NGF: variants seen among roughly 807,000 people sequenced by gnomAD.
The protein encoded by NGF is nerve growth factor, also known as beta-nerve growth factor.
In NGF, 4 loss-of-function variants were observed where a neutral mutation model predicts 12.8. The ratio of observed to expected loss-of-function variants is 0.31; its 90% CI spans 0.15 to 0.72. The LOEUF is 0.72. NGF is among the 30% of genes least tolerant of loss of function. The pLI, the probability that NGF is intolerant of heterozygous loss-of-function variation, is 0.69. For synonymous variants in NGF, 140 were observed against 130.0 expected (o/e 1.08, Z -0.52); for missense variants, 283 against 330.8 (o/e 0.86, Z 1.12).
At chr1:115,336,007 AG>A (rs1655100006) in intron 1 of NGF, among the ~76,000 whole-genome samples, 1 of 152,120 alleles carries the variant, frequency 6.6e-6, no homozygotes, top group Non-Finnish European at 1.5e-5. Flanking sequence ...GTCGGCAACC[AG>A]GGCCCCCTTC....
intron 1 of NGF, among the ~76,000 whole-genome samples, chr1:115,337,965 C>T (rs1423803208): frequency 6.6e-6 from 1 of 152,192 alleles, no homozygotes; most frequent in Admixed American, 6.5e-5. Flanking sequence ...GGACTAGGGA[C>T]TCCACGACCA....
Position 115,286,981 on chromosome 1 carries a change from G to A in NGF, c.-12-174C>T, listed in dbSNP as rs1408414974. ...AGCAATGGTTATACCGGGACAACAG[G>A]CGTAACCCGGGGCTGACTCAGGCAG... On this transcript the variant is annotated intron_variant, in intron 2 of 2. Transcript: ENST00000369512. Among the ~76,000 whole-genome samples the A allele has an allele frequency of 2.6e-5, 4 of 152,136 alleles. No individual in the cohort carries two copies. The East Asian group carries it at 7.7e-4, about 29-fold the overall frequency.
At position 115,286,707 on chromosome 1, in the gene NGF, T is replaced by A. The variant is rs1653521009; in HGVS notation, c.89A>T (p.His30Leu). Residue 30 changes from histidine (H) to leucine (L), a missense_variant, in exon 3 of 3, where the codon CAC (histidine) becomes CTC (leucine). Around this residue, in one of 2 missense-constraint regions of NGF, gnomAD observed 151 missense variants for 141.6 expected, o/e 1.07. Transcript: ENST00000369512. ...AGTCCAGTGGGCTTGGGGGATGGTGTGTCCTGCAGGGACATTGCTCTCTGA... is the reference window on the plus strand; with the variant it reads ...AGTCCAGTGGGCTTGGGGGATGGTGAGTCCTGCAGGGACATTGCTCTCTGA... ...PHSESNVPAG[H>L]TIPQAHWTKL... 1 of 1,614,086 alleles carries A rather than the reference T, an allele frequency of 6.2e-7. No homozygotes were observed. Among genetic ancestry groups the A allele is most frequent in the East Asian group, 2.2e-5 (1 of 44,880 alleles).
rs192280814 is a variant in NGF at position 115,335,009 on chromosome 1, A to G, written c.-137+3195T>C. On this transcript the variant is annotated intron_variant, in intron 1 of 2. Coordinates refer to ENST00000369512, the MANE Select transcript of NGF (RefSeq NM_002506.3). ...TATAGGAGAAGAATATCAAGGGATCATCCTAACATTTTAATCTGATTCCTA... is the reference window on the plus strand; with the variant it reads ...TATAGGAGAAGAATATCAAGGGATCGTCCTAACATTTTAATCTGATTCCTA... Among the ~76,000 whole-genome samples, 16 of 152,344 alleles carry G rather than the reference A, an allele frequency of 1.1e-4. No homozygotes were observed. The East Asian group carries it at 2.1e-3, about 20-fold the overall frequency.
chr1:115,286,807 C>T lies in NGF; in HGVS notation c.-12G>A. 1 of 1,614,042 alleles carries T rather than the reference C, an allele frequency of 6.2e-7. No individual in the cohort carries two copies. The highest frequency in any genetic ancestry group is 8.5e-7 in the Non-Finnish European group (1 of 1,180,028). Reference sequence around the variant, plus strand: ...AACAACATGGACATTACGCTATGCACCTGGAATGAAAAAGAAATGAGGGTG... The same window carrying T: ...AACAACATGGACATTACGCTATGCATCTGGAATGAAAAAGAAATGAGGGTG... On this transcript the variant is annotated splice_region_variant and 5_prime_UTR_variant, in exon 3 of 3. In the 5' UTR this introduces an upstream ATG that the reference lacks. Coordinates refer to ENST00000369512, the MANE Select transcript of NGF (RefSeq NM_002506.3).
intron 1 of NGF, among the ~76,000 whole-genome samples, chr1:115,317,957 C>T (rs575954555): frequency 5.9e-4 from 89 of 152,092 alleles, no homozygotes; most frequent in Non-Finnish European, 9.4e-4. Context: ...ATGATAGCCC[C>T]GGGCTAGCTC....
intron 1 of NGF, among the ~76,000 whole-genome samples, chr1:115,309,106 A>G (rs1435581445): frequency 6.6e-6 from 1 of 152,158 alleles, no homozygotes; most frequent in African/African-American, 2.4e-5. Context: ...GGCTGCTGGG[A>G]TACCTGAAGC....
chr1:115,286,185 G>A lies in NGF; in HGVS notation c.611C>T (p.Thr204Ile), dbSNP rs1378993354. Residue 204 changes from threonine (T) to isoleucine (I), a missense_variant, in exon 3 of 3, where the codon ACT (threonine) becomes ATT (isoleucine). Thr to Ile is a moderately conservative substitution (Grantham distance 89, BLOSUM62 -1). This residue lies in a region of NGF where 132 missense variants were observed against 189.2 expected (regional missense o/e 0.70). Transcript: ENST00000369512. ...GGTCAGCGCCTTGACAAAGGTGTGA[G>A]TCGTGGTACAATATGAGTTCCAGTG... ...SKHWNSYCTTTHTFVKALTMD... is the reference protein window; with the variant it reads ...SKHWNSYCTTIHTFVKALTMD... The A allele has an allele frequency of 1.9e-6, 3 of 1,614,058 alleles. No homozygotes were observed. Among genetic ancestry groups the A allele is most frequent in the Non-Finnish European group, 2.5e-6 (3 of 1,180,048 alleles).
Position 115,286,071 on chromosome 1 carries a change from CA to C in NGF, c.724del (p.Ter242AspfsTer27). The C allele has an allele frequency of 6.2e-7, 1 of 1,612,796 alleles. No individual in the cohort carries two copies. The highest frequency in any genetic ancestry group is 8.5e-7 in the Non-Finnish European group (1 of 1,179,650). On this transcript the variant is annotated frameshift_variant and stop_lost, in exon 3 of 3. Coordinates refer to ENST00000369512, the MANE Select transcript of NGF (RefSeq NM_002506.3). LOFTEE classifies it high-confidence loss of function. The part of the protein sequence containing the change: ...VLSRKAVRRA[*>X] ...AGGGGGAGGGAGCGTGTCGGCAGGT[CA>C]GGCTCTTCTCACAGCCTTCCTGCTG...
intron 2 of NGF, among the ~76,000 whole-genome samples, chr1:115,288,649 A>G (rs1653592255): frequency 6.6e-6 from 1 of 152,014 alleles, no homozygotes; most frequent in South Asian, 2.1e-4. Context: ...GCATAACCCT[A>G]TCACCTCTCC....
intron 1 of NGF, among the ~76,000 whole-genome samples, chr1:115,333,718 CT>C (rs1655015519): frequency 8.9e-6 from 1 of 112,108 alleles, no homozygotes; most frequent in South Asian, 3.1e-4. Context: ...TCTTTCTTTT[CT>C]TTCTTTCCTT....
intron 1 of NGF, among the ~76,000 whole-genome samples, chr1:115,308,421 G>A (rs1654255830): frequency 1.3e-5 from 2 of 152,210 alleles, no homozygotes; most frequent in Non-Finnish European, 2.9e-5. Context: ...GATGAAGTAG[G>A]GATGTTAGAA....
intron 1 of NGF, among the ~76,000 whole-genome samples, chr1:115,317,308 T>A (rs527843912): frequency 6.6e-6 from 1 of 152,252 alleles, no homozygotes; most frequent in African/African-American, 2.4e-5. Context: ...CTGCTCTGTC[T>A]CCATGCTCCA....
intron 1 of NGF, among the ~76,000 whole-genome samples, chr1:115,303,236 C>G (rs1323051287): frequency 6.6e-6 from 1 of 152,136 alleles, no homozygotes; most frequent in Non-Finnish European, 1.5e-5. Context: ...TACCAATGCT[C>G]TCTGTGCACC....
Position 115,286,727 on chromosome 1 carries a change from C to T in NGF, c.69G>A (p.Glu23=), listed in dbSNP as rs762536454. 3.1e-6 allele frequency: 5 copies of T among 1,614,194 alleles called. No homozygotes were observed. The highest frequency in any genetic ancestry group is 1.6e-4 in the Middle Eastern group (1 of 6,062). Residue 23 remains glutamate, a synonymous_variant, in exon 3 of 3, where the codon GAG becomes GAA. Coordinates refer to ENST00000369512, the MANE Select transcript of NGF (RefSeq NM_002506.3). ...TGGTGTGTCCTGCAGGGACATTGCT[C>T]TCTGAGTGTGGTTCCGCCTGTATGC... ...LIGIQAEPHS[E]SNVPAGHTIP...
chr1:115,287,578 A>G (rs986576256), intron 2 of NGF, among the ~76,000 whole-genome samples: 1 of 152,132 alleles, frequency 6.6e-6, no homozygotes. Context: ...TATTTATTTC[A>G]CATATAAGGA....
chr1:115,335,044 A>C (rs892592917), intron 1 of NGF, among the ~76,000 whole-genome samples: 2 of 152,228 alleles, frequency 1.3e-5, no homozygotes, highest in Non-Finnish European at 2.9e-5. Flanking sequence ...ACTGTGTCCT[A>C]GTCTGAGGCC....
intron 1 of NGF, among the ~76,000 whole-genome samples, chr1:115,330,237 C>G (rs1032760506): frequency 5.3e-5 from 8 of 152,140 alleles, no homozygotes; most frequent in African/African-American, 1.9e-4. Context: ...TCAGAAATTA[C>G]AAATATCTGA....
chr1:115,330,641 T>G (rs1406750290), intron 1 of NGF, among the ~76,000 whole-genome samples: 1 of 152,170 alleles, frequency 6.6e-6, no homozygotes, highest in Non-Finnish European at 1.5e-5. Flanking sequence ...AGTGGCAGGT[T>G]GGTTGAATCA....
Sources: allele counts gnomAD v4.1 joint callset (sites outside exome capture counted in the v4.1 genomes callset), GRCh38; gene constraint gnomAD v4.1.1; regional missense constraint gnomAD v4.1.1; transcripts MANE v1.5; gene names NCBI Gene and HGNC (gene_info 2026-07-23, HGNC 2026-07-21).